The following EYS variants were observed in gnomAD, a reference collection of about 807,000 sequenced individuals.
EYS encodes the protein protein eyes shut homolog.
Under a neutral mutation model 282.1 loss-of-function variants are expected in EYS, and 250 were observed. That is an observed-to-expected ratio of 0.89 (90% CI 0.80 to 0.98). EYS has a LOEUF of 0.98. EYS is among the 50% of genes least tolerant of loss of function. The probability of loss-of-function intolerance (pLI) is 0.00; values close to 1 mark genes in which losing one functional copy is unlikely to be tolerated. For missense variants in EYS, 4,016 were observed against 3,709.0 expected (o/e 1.08, Z -2.15); for synonymous variants, 1,355 against 1,282.9 (o/e 1.06, Z -1.20).
chr6:63,868,435 T>C (rs1286986594), intron 35 of EYS, among the ~76,000 whole-genome samples: 1 of 152,182 alleles, frequency 6.6e-6, no homozygotes. Context: ...GACTCCTGCA[T>C]GTATTAACTT....
intron 35 of EYS, among the ~76,000 whole-genome samples, chr6:63,887,038 C>G (rs1773277438): frequency 6.6e-6 from 1 of 152,164 alleles, no homozygotes; most frequent in Non-Finnish European, 1.5e-5. Flanking sequence ...GGTCAGGATA[C>G]TGTCTGGCTC....
chr6:64,896,884 C>T lies in EYS; in HGVS notation c.2846+5229G>A, dbSNP rs1233926016. On this transcript the variant is annotated intron_variant, in intron 18 of 42. Coordinates refer to ENST00000503581, the MANE Select transcript of EYS (RefSeq NM_001142800.2). Reference sequence around the variant, plus strand: ...GGCCACCACAGTGCCTCAAAGCTGCCGTAGACAGACCGCCTCTCTAGATAC... The same window carrying T: ...GGCCACCACAGTGCCTCAAAGCTGCTGTAGACAGACCGCCTCTCTAGATAC... 3.9e-5 allele frequency among the ~76,000 whole-genome samples: 6 copies of T among 152,174 alleles called. No individual in the cohort carries two copies. The South Asian group carries it at 6.2e-4, about 16-fold the overall frequency.
At chr6:65,017,266 T>C (rs1030049869) in intron 13 of EYS, among the ~76,000 whole-genome samples, 15 of 152,208 alleles carry the variant, frequency 9.9e-5, no homozygotes, top group African/African-American at 3.6e-4. Context: ...TGGAATATAT[T>C]ATTAATGTAC....
At chr6:65,688,247 G>A (rs1698377448) in intron 1 of EYS, among the ~76,000 whole-genome samples, 1 of 152,032 alleles carries the variant, frequency 6.6e-6, no homozygotes, top group Admixed American at 6.6e-5. Context: ...ATAGACTAAT[G>A]GAACAGAACA....
In EYS at chr6:63,881,783, A is replaced by G. The variant is rs189613762; in HGVS notation, c.7056-17425T>C. Among the ~76,000 whole-genome samples, 35 of 152,340 alleles carry G rather than the reference A, an allele frequency of 2.3e-4. 1 individual carries two copies. The highest frequency in any genetic ancestry group is 2.1e-3 in the Admixed American group (32 of 15,290). ...TATATTTTATCTACATTAAAGTGTA[A>G]CATGGGTTAGAAAATCTTGGTTTAT... On this transcript the variant is annotated intron_variant, in intron 35 of 42. Coordinates refer to ENST00000503581, the MANE Select transcript of EYS (RefSeq NM_001142800.2).
chr6:65,556,970 AAT>A (rs1768835540), intron 2 of EYS, among the ~76,000 whole-genome samples: 1 of 152,246 alleles, frequency 6.6e-6, no homozygotes, highest in Admixed American at 6.5e-5. Flanking sequence ...ATATGGTAAT[AAT>A]ATATGTCATA....
intron 13 of EYS, among the ~76,000 whole-genome samples, chr6:65,018,044 A>C (rs1480269027): frequency 6.6e-6 from 1 of 152,192 alleles, no homozygotes; most frequent in Non-Finnish European, 1.5e-5. Flanking sequence ...CTTTAAGTGG[A>C]GAATGCCAAT....
intron 12 of EYS, among the ~76,000 whole-genome samples, chr6:65,123,462 A>T (rs1177663542): frequency 6.6e-6 from 1 of 152,174 alleles, no homozygotes; most frequent in Non-Finnish European, 1.5e-5. Context: ...AGAATATATA[A>T]GGACACTTCC....
intron 26 of EYS, among the ~76,000 whole-genome samples, chr6:64,479,135 A>G (rs1481207026): frequency 6.6e-6 from 1 of 151,984 alleles, no homozygotes; most frequent in Non-Finnish European, 1.5e-5. Flanking sequence ...GTGGTATAGT[A>G]AAAAGTGCTT....
chr6:65,128,221 A>G (rs187012453), intron 12 of EYS, among the ~76,000 whole-genome samples: 42 of 152,126 alleles, frequency 2.8e-4, no homozygotes, highest in Non-Finnish European at 1.2e-4. Context: ...TTACAGAGAA[A>G]TCTAAAATAA....
At chr6:65,393,700 G>A (rs1024421330) in intron 7 of EYS, among the ~76,000 whole-genome samples, 1 of 151,948 alleles carries the variant, frequency 6.6e-6, no homozygotes, top group Non-Finnish European at 1.5e-5. Context: ...ACCCATGACT[G>A]ATGTGGTGAG....
At chr6:64,604,804 A>T (rs989742300) in intron 24 of EYS, among the ~76,000 whole-genome samples, 1 of 152,026 alleles carries the variant, frequency 6.6e-6, no homozygotes, top group Non-Finnish European at 1.5e-5. Context: ...AAGGTGCAAT[A>T]AGAAGGGAAA....
At chr6:64,732,228 G>T (rs926194177) in intron 22 of EYS, among the ~76,000 whole-genome samples, 7 of 138,004 alleles carry the variant, frequency 5.1e-5, no homozygotes. Context: ...GTTGCTGGGT[G>T]CAGCAAACCA....
intron 5 of EYS, among the ~76,000 whole-genome samples, chr6:65,477,015 C>G (rs188849376): frequency 6.6e-6 from 1 of 152,122 alleles, no homozygotes; most frequent in South Asian, 2.1e-4. Flanking sequence ...AGTATGGTAT[C>G]TATTGAAAGG....
chr6:64,700,047 G>C (rs569268395), intron 22 of EYS, among the ~76,000 whole-genome samples: 1 of 151,978 alleles, frequency 6.6e-6, no homozygotes, highest in Non-Finnish European at 1.5e-5. Flanking sequence ...AATCAAGTGG[G>C]TTTTATTCCA....
intron 19 of EYS, among the ~76,000 whole-genome samples, chr6:64,861,538 G>T (rs1766239114): frequency 6.6e-6 from 1 of 152,170 alleles, no homozygotes; most frequent in Non-Finnish European, 1.5e-5. Context: ...GCTCAGGGAT[G>T]CCTGGGTTAA....
chr6:64,330,674 G>A (rs662644), intron 29 of EYS, among the ~76,000 whole-genome samples: 102,007 of 152,096 alleles, frequency 0.67, 34,236 homozygotes, highest in Non-Finnish European at 0.69. Flanking sequence ...CCCTGTTAGC[G>A]CAAGATGCTA....
At chr6:65,541,105 T>G (rs1768153764) in intron 2 of EYS, among the ~76,000 whole-genome samples, 1 of 152,230 alleles carries the variant, frequency 6.6e-6, no homozygotes, top group East Asian at 1.9e-4. Flanking sequence ...CCTGTTGGCC[T>G]CATATTCCTT....
At chr6:65,472,480 C>A (rs535779536) in intron 5 of EYS, among the ~76,000 whole-genome samples, 2 of 152,100 alleles carry the variant, frequency 1.3e-5, no homozygotes, top group African/African-American at 4.8e-5. Context: ...TTAATGTAAG[C>A]AGTTACAAAT....
Sources: allele counts gnomAD v4.1 joint callset (sites outside exome capture counted in the v4.1 genomes callset), GRCh38; gene constraint gnomAD v4.1.1; transcripts MANE v1.5; gene names NCBI Gene and HGNC (gene_info 2026-07-23, HGNC 2026-07-21).